IL17B: variants seen among roughly 807,000 people sequenced by gnomAD.
IL17B encodes the protein interleukin-17B.
IL17B carries 14 observed loss-of-function variants against 14.7 expected under a neutral mutation model. The observed-to-expected ratio is 0.95, with a 90% confidence interval of 0.63 to 1.49. The LOEUF is 1.49. Among genes scored for constraint, IL17B ranks in the 40% most tolerant of loss-of-function variants. The pLI is 0.00. For missense variants in IL17B, 233 were observed against 252.8 expected (o/e 0.92, Z 0.53); for synonymous variants, 105 against 94.8 (o/e 1.11, Z -0.62).
At chr5:149,379,811 G>C (rs979735634), upstream of IL17B, among the ~76,000 whole-genome samples, 1 of 152,172 alleles carries the variant, frequency 6.6e-6, no homozygotes, top group Non-Finnish European at 1.5e-5. Flanking sequence ...CAAGGAAACT[G>C]AGGCTGGAGC....
intron 1 of IL17B, among the ~76,000 whole-genome samples, chr5:149,398,093 C>G (rs548865662): frequency 6.6e-6 from 1 of 152,238 alleles, no homozygotes; most frequent in South Asian, 2.1e-4. Context: ...CCAGTCAAGT[C>G]GATACCTAAA....
upstream of IL17B, among the ~76,000 whole-genome samples, chr5:149,382,753 CCATGG>C (rs1758729484): frequency 6.6e-6 from 1 of 152,220 alleles, no homozygotes. Flanking sequence ...CAGCCTTGAC[CCATGG>C]CCTCAAACAA....
chr5:149,402,731 C>T (rs1217564255), intron 1 of IL17B, among the ~76,000 whole-genome samples: 7 of 150,360 alleles, frequency 4.7e-5, no homozygotes, highest in South Asian at 2.1e-4. Flanking sequence ...GTGCCGGGCA[C>T]GGTGGCTCAT....
chr5:149,378,131 G>A (rs867901559), intron 1 of IL17B, among the ~76,000 whole-genome samples: 1 of 152,096 alleles, frequency 6.6e-6, no homozygotes, highest in Non-Finnish European at 1.5e-5. Flanking sequence ...GCGACAGAGC[G>A]AGACTCCTCT....
upstream of IL17B, among the ~76,000 whole-genome samples, chr5:149,379,532 G>A (rs1758634388): frequency 1.3e-5 from 2 of 152,346 alleles, no homozygotes; most frequent in East Asian, 1.9e-4. Flanking sequence ...ACCTCCGCCT[G>A]TGGCCTGCGG....
At chr5:149,381,269 G>C (rs560750114), upstream of IL17B, among the ~76,000 whole-genome samples, 42 of 152,344 alleles carry the variant, frequency 2.8e-4, no homozygotes, top group African/African-American at 9.1e-4. Flanking sequence ...CAGCTGCAGT[G>C]CTTGCTACTT....
In IL17B at chr5:149,377,012, G is replaced by GT. The variant is rs1758562355; in HGVS notation, c.34dup (p.Thr12AsnfsTer52). 1 of 1,553,634 alleles carries GT rather than the reference G, an allele frequency of 6.4e-7. No homozygotes were observed. Among genetic ancestry groups the GT allele is most frequent in the South Asian group, 1.2e-5 (1 of 80,380 alleles). On this transcript the variant is annotated frameshift_variant, in exon 2 of 3. Transcript: ENST00000261796. LOFTEE classifies it high-confidence loss of function. ...GCCCAGCCCCAGGAAGATGGAAATG[G>GT]TAAGAAGAAACAGCTGGGGAGGAAA...
At chr5:149,394,678 A>G (rs1581395429) in intron 1 of IL17B, among the ~76,000 whole-genome samples, 2 of 152,370 alleles carry the variant, frequency 1.3e-5, no homozygotes, top group East Asian at 3.9e-4. Context: ...AGAGCTGGCC[A>G]ACTTTCACAA....
At chr5:149,390,826 A>G (rs1166469821) in intron 1 of IL17B, among the ~76,000 whole-genome samples, 1 of 151,958 alleles carries the variant, frequency 6.6e-6, no homozygotes, top group Admixed American at 6.5e-5. Context: ...AGCTCTTTAT[A>G]GAATTTATAA....
chr5:149,391,726 A>C (rs1224097282), intron 1 of IL17B, among the ~76,000 whole-genome samples: 1 of 152,004 alleles, frequency 6.6e-6, no homozygotes, highest in Non-Finnish European at 1.5e-5. Context: ...TCAGTGGAGG[A>C]GGGTGATTGA....
upstream of IL17B, chr5:149,379,414 G>A (rs1758629442): frequency 3.0e-6 from 2 of 658,976 alleles, no homozygotes; most frequent in Non-Finnish European, 5.2e-6. Context: ...TAGCGCAGTG[G>A]CAGGCGGTGA....
intron 1 of IL17B, among the ~76,000 whole-genome samples, chr5:149,392,249 C>G (rs1017872971): frequency 2.0e-5 from 3 of 152,226 alleles, no homozygotes; most frequent in African/African-American, 7.2e-5. Flanking sequence ...TCACAAAGGA[C>G]TTTTACTTCT....
At chr5:149,397,769 G>A (rs56656949) in intron 1 of IL17B, among the ~76,000 whole-genome samples, 47,063 of 152,028 alleles carry the variant, frequency 0.31, 7,388 homozygotes, top group African/African-American at 0.33. Flanking sequence ...CTGGGAGGCT[G>A]GTAGCATGAC....
intron 1 of IL17B, among the ~76,000 whole-genome samples, chr5:149,377,733 C>T (rs1421292347): frequency 6.7e-6 from 1 of 148,360 alleles, no homozygotes; most frequent in Non-Finnish European, 1.5e-5. Flanking sequence ...GGAAACTTTT[C>T]TGGGGAAGGG....
chr5:149,390,626 C>CAGAGAG lies in IL17B; in HGVS notation n.95+13481_95+13482insCTCTCT, dbSNP rs1470489789. On this transcript the variant is annotated intron_variant and non_coding_transcript_variant, in intron 1 of 2. Coordinates refer to the IL17B transcript ENST00000505432. ...ACACACACACACACACACACACACACACACAGAGATACACAAGGCCCTCCA... is the reference window on the plus strand; with the variant it reads ...ACACACACACACACACACACACACACAGAGAGACACAGAGATACACAAGGCCCTCCA... Among the ~76,000 whole-genome samples the CAGAGAG allele has an allele frequency of 7.2e-3, 1,049 of 145,672 alleles. 10 individuals are homozygous for CAGAGAG. Among genetic ancestry groups the CAGAGAG allele is most frequent in the African/African-American group, 0.026 (997 of 38,784 alleles).
chr5:149,380,797 A>G (rs1246663458), upstream of IL17B, among the ~76,000 whole-genome samples: 2 of 152,208 alleles, frequency 1.3e-5, no homozygotes, highest in Non-Finnish European at 2.9e-5. Flanking sequence ...GCGCTCCTGA[A>G]TGTCACAAGA....
chr5:149,378,420 C>T (rs755531615), intron 1 of IL17B, among the ~76,000 whole-genome samples: 6 of 152,154 alleles, frequency 3.9e-5, no homozygotes, highest in Non-Finnish European at 7.3e-5. Context: ...GACTCAGGCC[C>T]GGCAGAAGCC....
intron 1 of IL17B, among the ~76,000 whole-genome samples, chr5:149,390,111 G>A (rs1324652948): frequency 6.6e-6 from 1 of 152,054 alleles, no homozygotes; most frequent in Non-Finnish European, 1.5e-5. Flanking sequence ...TTTCATACAT[G>A]GGTGGTGAAT....
At chr5:149,401,766 T>TAAATGTGA (rs1759209027) in intron 1 of IL17B, among the ~76,000 whole-genome samples, 1 of 151,970 alleles carries the variant, frequency 6.6e-6, no homozygotes, top group Non-Finnish European at 1.5e-5. Flanking sequence ...AATAAATAAA[T>TAAATGTGA]AAATGTGATA....
Sources: allele counts gnomAD v4.1 joint callset (sites outside exome capture counted in the v4.1 genomes callset), GRCh38; gene constraint gnomAD v4.1.1; transcripts MANE v1.5; gene names NCBI Gene and HGNC (gene_info 2026-07-23, HGNC 2026-07-21).